Variants in KLHL1 observed in about 807,000 individuals in gnomAD.
The protein encoded by KLHL1 is kelch-like protein 1.
A neutral mutation model predicts 77.7 loss-of-function variants in KLHL1; 47 were observed. The ratio of observed to expected loss-of-function variants is 0.60; its 90% CI spans 0.48 to 0.77. The LOEUF is 0.77. Among genes scored for constraint, KLHL1 ranks in the 30% least tolerant of loss-of-function variants. KLHL1 has a pLI of 0.00. For synonymous variants in KLHL1, 360 were observed against 325.2 expected (o/e 1.11, Z -1.15); for missense variants, 925 against 910.8 (o/e 1.02, Z -0.20).
At chr13:70,088,504 A>T (rs1686835522) in intron 1 of KLHL1, among the ~76,000 whole-genome samples, 2 of 152,134 alleles carry the variant, frequency 1.3e-5, no homozygotes, top group Admixed American at 1.3e-4. Context: ...ATGCAACAAG[A>T]CTTCAACTCT....
At chr13:69,897,121 CA>C (rs1324645112) in intron 4 of KLHL1, among the ~76,000 whole-genome samples, 1 of 152,210 alleles carries the variant, frequency 6.6e-6, no homozygotes, top group East Asian at 1.9e-4. Flanking sequence ...ATTTAAAAAT[CA>C]AACAATAAGA....
intron 1 of KLHL1, among the ~76,000 whole-genome samples, chr13:70,074,194 T>C (rs1016775548): frequency 6.6e-6 from 1 of 152,084 alleles, no homozygotes; most frequent in African/African-American, 2.4e-5. Context: ...TTAAGAGATT[T>C]GGCCATAGTG....
chr13:70,092,330 G>A (rs1318055125), intron 1 of KLHL1, among the ~76,000 whole-genome samples: 1 of 152,026 alleles, frequency 6.6e-6, no homozygotes, highest in South Asian at 2.1e-4. Context: ...TCTCTTCTAC[G>A]CTGAATTCTA....
At chr13:69,799,623 A>G (rs1877286099) in intron 6 of KLHL1, among the ~76,000 whole-genome samples, 1 of 152,170 alleles carries the variant, frequency 6.6e-6, no homozygotes, top group African/African-American at 2.4e-5. Flanking sequence ...AATATTTCCA[A>G]TTTAGTGACA....
intron 1 of KLHL1, among the ~76,000 whole-genome samples, chr13:70,008,619 T>C (rs2137334615): frequency 6.6e-6 from 1 of 152,224 alleles, no homozygotes; most frequent in Admixed American, 6.6e-5. Flanking sequence ...TCCATAATAG[T>C]GTGGTTTTCA....
chr13:70,081,282 C>G (rs181561848), intron 1 of KLHL1, among the ~76,000 whole-genome samples: 1 of 152,068 alleles, frequency 6.6e-6, no homozygotes, highest in Admixed American at 6.6e-5. Flanking sequence ...AACTTAAAAC[C>G]GTACACATAT....
chr13:70,027,732 C>T (rs1441543), intron 1 of KLHL1, among the ~76,000 whole-genome samples: 126,291 of 149,584 alleles, frequency 0.84, 53,832 homozygotes, highest in East Asian at 0.92. Context: ...GCTTGCATCC[C>T]GTGAGTGAGA....
intron 1 of KLHL1, among the ~76,000 whole-genome samples, chr13:70,029,779 A>T (rs1363978692): frequency 3.3e-5 from 5 of 152,238 alleles, no homozygotes; most frequent in Non-Finnish European, 7.3e-5. Context: ...TAAATGGGCT[A>T]AATGCTCCAA....
intron 1 of KLHL1, among the ~76,000 whole-genome samples, chr13:69,979,008 A>G (rs1044893496): frequency 6.6e-6 from 1 of 152,084 alleles, no homozygotes; most frequent in African/African-American, 2.4e-5. Flanking sequence ...GAAAAGAGTT[A>G]TTCAAAGTCA....
At chr13:69,857,844 A>G (rs1879981133) in intron 5 of KLHL1, among the ~76,000 whole-genome samples, 1 of 151,442 alleles carries the variant, frequency 6.6e-6, no homozygotes, top group South Asian at 2.1e-4. Flanking sequence ...CTTAAAGTAT[A>G]ATATAAAAAT....
At chr13:69,994,236 A>C (rs1253937191) in intron 1 of KLHL1, among the ~76,000 whole-genome samples, 1 of 152,100 alleles carries the variant, frequency 6.6e-6, no homozygotes, top group African/African-American at 2.4e-5. Context: ...AAGATCATAA[A>C]ATTATGCTAT....
chr13:70,082,820 T>C (rs2137431828), intron 1 of KLHL1, among the ~76,000 whole-genome samples: 1 of 152,216 alleles, frequency 6.6e-6, no homozygotes, highest in South Asian at 2.1e-4. Flanking sequence ...TCACATTCTT[T>C]GCCACAGCAT....
At chr13:69,739,518 A>G (rs545504988) in intron 8 of KLHL1, among the ~76,000 whole-genome samples, 1 of 152,348 alleles carries the variant, frequency 6.6e-6, no homozygotes, top group South Asian at 2.1e-4. Flanking sequence ...CTCACATGCA[A>G]AGACATACAC....
At chr13:69,963,793 T>C (rs1884136598) in intron 2 of KLHL1, among the ~76,000 whole-genome samples, 1 of 152,202 alleles carries the variant, frequency 6.6e-6, no homozygotes, top group Non-Finnish European at 1.5e-5. Context: ...CTCCATTCAT[T>C]TTTGAAGTCG....
intron 4 of KLHL1, among the ~76,000 whole-genome samples, chr13:69,892,157 G>A (rs1201650887): frequency 6.6e-6 from 1 of 152,162 alleles, no homozygotes; most frequent in Non-Finnish European, 1.5e-5. Flanking sequence ...TTCTTTAGGT[G>A]TCTAGCAGTC....
At chr13:69,794,670 CAG>C (rs1482763843) in intron 7 of KLHL1, among the ~76,000 whole-genome samples, 1 of 151,740 alleles carries the variant, frequency 6.6e-6, no homozygotes, top group African/African-American at 2.4e-5. Context: ...CGTAGCCTAA[CAG>C]AGATAAGGGA....
At chr13:69,743,389 C>G (rs570631348) in intron 7 of KLHL1, among the ~76,000 whole-genome samples, 1 of 152,144 alleles carries the variant, frequency 6.6e-6, no homozygotes, top group South Asian at 2.1e-4. Flanking sequence ...GGTTTCAGTT[C>G]AAACAGATAA....
chr13:69,766,356 G>A (rs1437241712), intron 7 of KLHL1, among the ~76,000 whole-genome samples: 1 of 151,904 alleles, frequency 6.6e-6, no homozygotes, highest in Non-Finnish European at 1.5e-5. Flanking sequence ...TTTGTCTAAA[G>A]AAAGTAGGTT....
At chr13:69,771,964 A>G (rs1319919753) in intron 7 of KLHL1, among the ~76,000 whole-genome samples, 5 of 151,872 alleles carry the variant, frequency 3.3e-5, no homozygotes, top group Non-Finnish European at 7.4e-5. Context: ...AATAATTGTT[A>G]TTTTTGAGAT....
Sources: gnomAD v4.1 joint callset for allele counts (sites outside exome capture counted in the v4.1 genomes callset) on GRCh38, gnomAD v4.1.1 for gene constraint, MANE v1.5 for transcripts, NCBI Gene and HGNC (gene_info 2026-07-23, HGNC 2026-07-21) for gene names.